Variants in SLC1A6 observed in about 807,000 individuals in gnomAD.
SLC1A6 encodes the protein excitatory amino acid transporter 4.
A neutral mutation model predicts 42.1 loss-of-function variants in SLC1A6; 15 were observed. That is an observed-to-expected ratio of 0.36 (90% CI 0.24 to 0.55). The LOEUF is 0.55. Among genes scored for constraint, SLC1A6 ranks in the 20% least tolerant of loss-of-function variants. SLC1A6 has a pLI of 0.88. For missense variants in SLC1A6, 542 were observed against 772.5 expected, an observed-to-expected ratio of 0.70 and a Z score of 3.54; for synonymous variants, 317 against 319.7, an observed-to-expected ratio of 0.99 and a Z score of 0.09.
At chr19:14,982,256 A>G (rs2045771924), upstream of SLC1A6, among the ~76,000 whole-genome samples, 1 of 152,214 alleles carries the variant, frequency 6.6e-6, no homozygotes, top group Non-Finnish European at 1.5e-5. Flanking sequence ...TTGGCCGGGC[A>G]TGGTGGCACA....
At chr19:14,997,476 G>A (rs187357005) in intron 1 of SLC1A6, among the ~76,000 whole-genome samples, 3 of 152,236 alleles carry the variant, frequency 2.0e-5, no homozygotes, top group East Asian at 1.9e-4. Flanking sequence ...TCAGATATTT[G>A]GGGTTCATAG....
At chr19:14,991,621 C>CAAAAA (rs34838245) in intron 1 of SLC1A6, among the ~76,000 whole-genome samples, 2 of 135,498 alleles carry the variant, frequency 1.5e-5, no homozygotes, top group South Asian at 2.4e-4. Context: ...GACTCTGTGT[C>CAAAAA]AAAAAAAAAA....
At chr19:14,950,921 G>A (rs2045404658) in intron 9 of SLC1A6, among the ~76,000 whole-genome samples, 2 of 146,060 alleles carry the variant, frequency 1.4e-5, no homozygotes, top group South Asian at 4.5e-4. Flanking sequence ...CTCCAGCCTA[G>A]ATGACAGAAC....
intron 1 of SLC1A6, 137 bp from the exon 2 acceptor site, chr19:14,973,054 C>T: frequency 1.5e-6 from 1 of 659,890 alleles, no homozygotes; most frequent in Non-Finnish European, 2.6e-6. Context: ...TGTTTTGGCT[C>T]ACGCCTGTAA....
chr19:14,969,037 A>G (rs2045607229), intron 3 of SLC1A6, among the ~76,000 whole-genome samples: 1 of 151,918 alleles, frequency 6.6e-6, no homozygotes, highest in Non-Finnish European at 1.5e-5. Context: ...ACGGGGTTTC[A>G]CCATGTTGGC....
At chr19:14,955,792 A>G (rs1303477272) in intron 7 of SLC1A6, among the ~76,000 whole-genome samples, 1 of 151,758 alleles carries the variant, frequency 6.6e-6, no homozygotes, top group African/African-American at 2.4e-5. Context: ...AAAATTAGCC[A>G]GGTGTGGTGG....
chr19:14,956,858 G>A (rs1463837262), intron 6 of SLC1A6, 149 bp from the exon 7 acceptor site: 8 of 578,708 alleles, frequency 1.4e-5, no homozygotes, highest in South Asian at 6.8e-5. Flanking sequence ...AGTCTTCCCC[G>A]TACACTAATG....
At chr19:14,996,528 T>TTTCTTCTTCTTCTTCTTCTTCTTC (rs200628639) in intron 1 of SLC1A6, among the ~76,000 whole-genome samples, 5,076 of 125,896 alleles carry the variant, frequency 0.04, 409 homozygotes, top group South Asian at 0.064. Flanking sequence ...CCTCCTCCTC[T>TTTCTTCTTCTTCTTCTTCTTCTTC]TTCTTCTTCT....
At chr19:14,957,341 A>G (rs1319013223) in intron 6 of SLC1A6, among the ~76,000 whole-genome samples, 1 of 152,136 alleles carries the variant, frequency 6.6e-6, no homozygotes, top group Non-Finnish European at 1.5e-5. Context: ...CTAAATGTTT[A>G]TGTCCCCTCC....
At chr19:15,008,017 G>A (rs1293440695) in intron 1 of SLC1A6, among the ~76,000 whole-genome samples, 1 of 119,526 alleles carries the variant, frequency 8.4e-6, no homozygotes, top group Admixed American at 8.6e-5. Context: ...AAGATCAAAA[G>A]TCTGCCCCCC....
At chr19:14,958,670 C>T (rs187892365) in intron 6 of SLC1A6, among the ~76,000 whole-genome samples, 104 of 152,256 alleles carry the variant, frequency 6.8e-4, no homozygotes, top group African/African-American at 2.3e-3. Flanking sequence ...ACTTCCTCAC[C>T]TCCATCCTTC....
At chr19:14,968,580 C>T (rs1448727752) in intron 3 of SLC1A6, 73 bp from the exon 4 acceptor site, 10 of 1,309,358 alleles carry the variant, frequency 7.6e-6, no homozygotes, top group South Asian at 1.4e-5. Context: ...TCCGTTCCAC[C>T]CTCCCCATAT....
At chr19:15,008,248 G>A (rs1234708122) in intron 1 of SLC1A6, among the ~76,000 whole-genome samples, 2 of 151,992 alleles carry the variant, frequency 1.3e-5, no homozygotes, top group African/African-American at 2.4e-5. Flanking sequence ...GGGAGACTGA[G>A]GCAGAAGGAT....
intron 6 of SLC1A6, among the ~76,000 whole-genome samples, chr19:14,959,701 T>C (rs779398441): frequency 3.0e-4 from 46 of 152,278 alleles, no homozygotes; most frequent in East Asian, 2.3e-3. Flanking sequence ...TGCCCCACCA[T>C]TCTCCAAACA....
chr19:14,959,663 A>G (rs912492516), intron 6 of SLC1A6, among the ~76,000 whole-genome samples: 4 of 152,072 alleles, frequency 2.6e-5, no homozygotes, highest in Admixed American at 6.6e-5. Context: ...ACCACTCCCA[A>G]CTTACCCCAT....
rs77357276 is a variant in SLC1A6, at chr19:14,989,175, T to C, written c.7-16258A>G. ...ACCTGTTAGGTACAATACACATTAT[T>C]TGGGTGATGGCTACACTAAAAGCCT... is the stretch of plus-strand genomic sequence containing the variant. On this transcript the variant is annotated intron_variant, in intron 1 of 8. Coordinates refer to the SLC1A6 transcript ENST00000430939. Among the ~76,000 whole-genome samples, 1,322 of 152,226 alleles carry C rather than the reference T, an allele frequency of 8.7e-3. 18 individuals are homozygous for C. Among genetic ancestry groups the C allele is most frequent in the African/African-American group, 0.03 (1,256 of 41,546 alleles).
intron 1 of SLC1A6, among the ~76,000 whole-genome samples, chr19:14,975,788 G>T (rs910369918): frequency 6.9e-6 from 1 of 145,800 alleles, no homozygotes; most frequent in African/African-American, 2.5e-5. Context: ...AAGAAAGAAA[G>T]GAGGGAAGGG....
At chr19:15,000,175 T>C (rs549155306) in intron 1 of SLC1A6, among the ~76,000 whole-genome samples, 3 of 152,366 alleles carry the variant, frequency 2.0e-5, no homozygotes, top group Non-Finnish European at 4.4e-5. Context: ...GTAGGTTATA[T>C]GTATTAAATG....
At chr19:14,968,194 C>T (rs1243172359) in intron 4 of SLC1A6, 109 bp downstream of exon 4, 10 of 888,364 alleles carry the variant, frequency 1.1e-5, no homozygotes, top group East Asian at 2.7e-5. Context: ...CTTGACCGGA[C>T]GCATGCTTCC....
Sources: allele counts gnomAD v4.1 joint callset (sites outside exome capture counted in the v4.1 genomes callset), GRCh38; gene constraint gnomAD v4.1.1; transcripts MANE v1.5; gene names NCBI Gene and HGNC (gene_info 2026-07-23, HGNC 2026-07-21).